Variants in EBLN1 observed in about 807,000 individuals in gnomAD.
The protein encoded by EBLN1 is endogenous Bornavirus-like nucleoprotein 1.
EBLN1 carries 1 observed loss-of-function variant against 0.8 expected under a neutral mutation model. The ratio of observed to expected loss-of-function variants is 1.32; its 90% CI spans 0.47 to 6.26. EBLN1 has a LOEUF of 6.26. EBLN1 is among the 30% of genes most tolerant of loss of function. EBLN1 has a pLI of 0.15. For missense variants in EBLN1, 396 were observed against 447.9 expected, an observed-to-expected ratio of 0.88 and a Z score of 1.05; for synonymous variants, 158 against 158.5, an observed-to-expected ratio of 1.00 and a Z score of 0.02.
At chr10:22,215,604 T>C (rs1834786609) in intron 1 of EBLN1, among the ~76,000 whole-genome samples, 2 of 152,148 alleles carry the variant, frequency 1.3e-5, no homozygotes, top group Non-Finnish European at 2.9e-5. Flanking sequence ...CCATTGAAAG[T>C]GCAAATTGAC....
At position 22,209,540 on chromosome 10, in the gene EBLN1, G is replaced by A. The variant is rs772638926; in HGVS notation, c.444C>T (p.Ala148=). The A allele has an allele frequency of 5.3e-5, 82 of 1,547,760 alleles. No homozygotes were observed. The highest frequency in any genetic ancestry group is 1.9e-4 in the East Asian group (8 of 42,954). Residue 148 remains alanine, a synonymous_variant, in exon 3 of 3, where the codon GCC becomes GCT. Coordinates refer to ENST00000422359, the MANE Select transcript of EBLN1 (RefSeq NM_001394757.1). ...TGGTGCATATCGGGTCACTCGATCC[G>A]GCAGCAATGCCTATCAGATCACAGC... ...RHCCDLIGIA[A]GSSDPICTNS... is the part of the protein sequence containing the mutation.
rs529823729 is a variant in EBLN1 at position 22,214,479 on chromosome 10, T to C, written c.-168-1514A>G. On this transcript the variant is annotated intron_variant, in intron 1 of 2. Coordinates refer to ENST00000422359, the MANE Select transcript of EBLN1 (RefSeq NM_001394757.1). ...CTTGCCCAGCCAAGGAATGGTTTTT[T>C]AAAAAGCTTAGTAACAATGAAACAA... Among the ~76,000 whole-genome samples the C allele has an allele frequency of 4.7e-5, 7 of 148,162 alleles. No individual in the cohort carries two copies. In the East Asian group the frequency reaches 1.2e-3, roughly 25 times the overall value.
chr10:22,214,711 G>A (rs554631668), intron 1 of EBLN1, among the ~76,000 whole-genome samples: 2 of 152,052 alleles, frequency 1.3e-5, no homozygotes, highest in African/African-American at 4.8e-5. Flanking sequence ...TGCATAAAAG[G>A]AGGTATGAAC....
At chr10:22,217,537 G>A (rs1299791117) in intron 1 of EBLN1, among the ~76,000 whole-genome samples, 2 of 152,250 alleles carry the variant, frequency 1.3e-5, no homozygotes, top group East Asian at 3.9e-4. Flanking sequence ...ACACACCAAT[G>A]TGTTTGTCAG....
At chr10:22,215,897 A>G (rs1588586197) in intron 1 of EBLN1, among the ~76,000 whole-genome samples, 3 of 152,172 alleles carry the variant, frequency 2.0e-5, no homozygotes, top group Admixed American at 2.0e-4. Flanking sequence ...ACATATTAAT[A>G]TGGGAAAATT....
chr10:22,216,299 A>G (rs1588586298), intron 1 of EBLN1, among the ~76,000 whole-genome samples: 2 of 152,192 alleles, frequency 1.3e-5, no homozygotes, highest in African/African-American at 4.8e-5. Context: ...TAGTGATAAC[A>G]TACCCCTCAA....
rs397964164 is a variant in EBLN1 at position 22,212,972 on chromosome 10, GAAA to G, written c.-168-10_-168-8del. Among the ~76,000 whole-genome samples, 2 of 123,060 alleles carry G rather than the reference GAAA, an allele frequency of 1.6e-5. No individual in the cohort carries two copies. The highest frequency in any genetic ancestry group is 2.9e-5 in the African/African-American group (1 of 34,884). 80.7% of individuals were successfully genotyped at this position (123,060 alleles called of 152,430 possible). A position where few individuals can be genotyped will look rare whatever the true frequency, so the allele number is the denominator to read the frequency against. On this transcript the variant is annotated splice_polypyrimidine_tract_variant and splice_region_variant and intron_variant, in intron 1 of 2. Coordinates refer to ENST00000422359, the MANE Select transcript of EBLN1 (RefSeq NM_001394757.1). ...ACAGAGTGAGATCCTGTCTCTAAAA[GAAA>G]AAAAAAAAAAGGTTGTATTAAAAAC...
At chr10:22,216,272 C>A (rs1037152671) in intron 1 of EBLN1, among the ~76,000 whole-genome samples, 1 of 151,798 alleles carries the variant, frequency 6.6e-6, no homozygotes, top group South Asian at 2.1e-4. Context: ...AAAACAAAAA[C>A]AAAAACAAAA....
At position 22,209,066 on chromosome 10, in the gene EBLN1, G is replaced by T; in HGVS notation, c.918C>A (p.Asn306Lys). 1 of 1,536,586 alleles carries T rather than the reference G, an allele frequency of 6.5e-7. No individual in the cohort carries two copies. The highest frequency in any genetic ancestry group is 2.4e-5 in the East Asian group (1 of 40,920). Residue 306 changes from asparagine (N) to lysine (K), a missense_variant, in exon 3 of 3, where the codon AAC becomes AAA. Transcript: ENST00000422359. ...QMFPNLATAA[N>K]YWAKRRNSTF... ...TGGAATTCCTTCTTTTGGCCCAGTA[G>T]TTTGCTGCTGTTGCTAGGTTTGGGA...
chr10:22,208,764 T>C lies in EBLN1; in HGVS notation c.*119A>G, dbSNP rs1306504916. ...ATAAAAGATTATAGAGAAGTTGCGA[T>C]AGATGTCAGAGACAGACCAAGATTG... On this transcript the variant is annotated 3_prime_UTR_variant, in exon 3 of 3. Transcript: ENST00000422359. 6.5e-6 allele frequency: 7 copies of C among 1,074,658 alleles called. No individual in the cohort carries two copies. Among genetic ancestry groups the C allele is most frequent in the South Asian group, 2.1e-5 (1 of 48,680 alleles). The allele number at this position is 1,074,658 out of a possible 1,614,324, so 66.6% of individuals were successfully genotyped here. A position where few individuals can be genotyped will look rare whatever the true frequency, so the allele number is the denominator to read the frequency against.
At chr10:22,214,033 A>G (rs1248580335) in intron 1 of EBLN1, among the ~76,000 whole-genome samples, 1 of 152,170 alleles carries the variant, frequency 6.6e-6, no homozygotes, top group African/African-American at 2.4e-5. Flanking sequence ...AAAAAAATTA[A>G]TAATCAATAA....
Position 22,208,860 on chromosome 10 carries a change from A to ATAAGG in EBLN1, c.*18_*22dup, listed in dbSNP as rs1390885653. ...ACATAATTTCTTTTTATATGTATAT[A>ATAAGG]TAAGGATTAGTTCACGTATTTGTTA... is the stretch of plus-strand genomic sequence containing the variant. On this transcript the variant is annotated 3_prime_UTR_variant, in exon 3 of 3. Transcript: ENST00000422359. 3 of 1,492,482 alleles carry ATAAGG rather than the reference A, an allele frequency of 2.0e-6. No individual in the cohort carries two copies. Among genetic ancestry groups the ATAAGG allele is most frequent in the Non-Finnish European group, 2.7e-6 (3 of 1,128,468 alleles). The allele number at this position is 1,492,482 out of a possible 1,614,324, so 92.5% of individuals were successfully genotyped here.
rs1284373122 is a variant in EBLN1 at position 22,208,807 on chromosome 10, T to G, written c.*76A>C. ...CAAGATTGAAAACAATAGGCAACAC[T>G]CAGATACTATTTTAGAATGTGATTT... On this transcript the variant is annotated 3_prime_UTR_variant, in exon 3 of 3. Coordinates refer to ENST00000422359, the MANE Select transcript of EBLN1 (RefSeq NM_001394757.1). 1.4e-6 allele frequency: 2 copies of G among 1,401,946 alleles called. No individual in the cohort carries two copies. Among genetic ancestry groups the G allele is most frequent in the Non-Finnish European group, 1.9e-6 (2 of 1,069,984 alleles). 86.8% of individuals were successfully genotyped at this position (1,401,946 alleles called of 1,614,324 possible). A position where few individuals can be genotyped will look rare whatever the true frequency, so the allele number is the denominator to read the frequency against.
intron 2 of EBLN1, among the ~76,000 whole-genome samples, chr10:22,212,568 C>T (rs773982446): frequency 7.9e-5 from 12 of 151,940 alleles, no homozygotes. Flanking sequence ...TCCAAGAAAC[C>T]AGGTCAAATA....
In EBLN1 at chr10:22,209,991, G is replaced by A; in HGVS notation, c.-8C>T. On this transcript the variant is annotated 5_prime_UTR_variant, in exon 3 of 3. Transcript: ENST00000422359. ...GTTTCTTGGGCGGGACATTGTGGGT[G>A]ATTGTTTCTGTGATTTTCACACAAT... is the stretch of plus-strand genomic sequence containing the variant. 3.6e-6 allele frequency: 5 copies of A among 1,391,104 alleles called. No homozygotes were observed. Among genetic ancestry groups the A allele is most frequent in the Non-Finnish European group, 4.6e-6 (5 of 1,075,452 alleles). The allele number at this position is 1,391,104 out of a possible 1,614,324, so 86.2% of individuals were successfully genotyped here.
At chr10:22,215,187 T>C (rs1834782932) in intron 1 of EBLN1, among the ~76,000 whole-genome samples, 1 of 152,180 alleles carries the variant, frequency 6.6e-6, no homozygotes, top group South Asian at 2.1e-4. Context: ...TGATTCCTTG[T>C]TGGAGTGATG....
At position 22,209,967 on chromosome 10, in the gene EBLN1, T is replaced by C. The variant is rs1189028821; in HGVS notation, c.17A>G (p.Asn6Ser). The C allele has an allele frequency of 1.8e-5, 26 of 1,417,792 alleles. No individual in the cohort carries two copies. The highest frequency in any genetic ancestry group is 2.2e-5 in the Non-Finnish European group (24 of 1,089,984). 87.8% of individuals were successfully genotyped at this position (1,417,792 alleles called of 1,614,324 possible). Reference protein sequence around the residue: MSRPRNNPQTSSPQDS... With the variant: MSRPRSNPQTSSPQDS... Reference sequence around the variant, plus strand: ...TTGTGGGCTGCTGGTCTGTGGGTTGTTTCTTGGGCGGGACATTGTGGGTGA... The same window carrying C: ...TTGTGGGCTGCTGGTCTGTGGGTTGCTTCTTGGGCGGGACATTGTGGGTGA... The change falls in exon 3 of 3, where the codon AAC becomes AGC. Residue 6 changes from asparagine to serine, a missense_variant. By Grantham distance (46) the Asn-to-Ser change is conservative. Coordinates refer to ENST00000422359, the MANE Select transcript of EBLN1 (RefSeq NM_001394757.1).
In EBLN1 at chr10:22,209,596, C is replaced by T; in HGVS notation, c.388G>A (p.Ala130Thr). The T allele has an allele frequency of 6.5e-7, 1 of 1,537,578 alleles. No individual in the cohort carries two copies. The highest frequency in any genetic ancestry group is 1.2e-5 in the South Asian group (1 of 84,262). Residue 130 changes from alanine to threonine, a missense_variant, in exon 3 of 3, where the codon GCC becomes ACC. Coordinates refer to ENST00000422359, the MANE Select transcript of EBLN1 (RefSeq NM_001394757.1). ...CGCAGAATTGATGACATCTCAAGGGCAGTGAAGGTAGGCAAAACATCTTCA... is the reference window on the plus strand; with the variant it reads ...CGCAGAATTGATGACATCTCAAGGGTAGTGAAGGTAGGCAAAACATCTTCA... ...KFEDVLPTFT[A>T]LEMSSILRHC...
At chr10:22,210,257 C>T (rs910985890) in intron 2 of EBLN1, among the ~76,000 whole-genome samples, 1 of 152,156 alleles carries the variant, frequency 6.6e-6, no homozygotes, top group African/African-American at 2.4e-5. Context: ...ACTGTGAACA[C>T]CAGAGCTATG....
Sources: gnomAD v4.1 joint callset for allele counts (sites outside exome capture counted in the v4.1 genomes callset) on GRCh38, gnomAD v4.1.1 for gene constraint, MANE v1.5 for transcripts, NCBI Gene and HGNC (gene_info 2026-07-23, HGNC 2026-07-21) for gene names.